DRC11L: variants seen among roughly 807,000 people sequenced by gnomAD.
DRC11L encodes the protein dynein regulatory complex subunit 11 like.
At chr7:151,194,868 C>G in the DRC11L span, among the ~76,000 whole-genome samples, 11 of 152,258 alleles carry the variant, frequency 7.2e-5, no homozygotes, top group South Asian at 2.3e-3. Context: ...CTCTGTGACA[C>G]TCATTAGTCT....
At chr7:151,190,929 C>A in the DRC11L span, 98 of 399,542 alleles carry the variant, frequency 2.5e-4, no homozygotes, top group South Asian at 5.9e-3. Flanking sequence ...TACCCTTGGG[C>A]CACTGCCCTG....
At chr7:151,196,137 G>T in the DRC11L span, among the ~76,000 whole-genome samples, 1 of 152,308 alleles carries the variant, frequency 6.6e-6, no homozygotes, top group East Asian at 1.9e-4. Context: ...AGGATGGTGG[G>T]GGGGTGTGGA....
At chr7:151,198,797 C>T in the DRC11L span, 1 of 399,150 alleles carries the variant, frequency 2.5e-6, no homozygotes, top group African/African-American at 2.1e-5. Flanking sequence ...AGGACACTGA[C>T]TGGCACTCGA....
the DRC11L span, chr7:151,197,416 C>T: frequency 2.5e-6 from 1 of 398,640 alleles, no homozygotes; most frequent in Non-Finnish European, 4.4e-6. Context: ...AGCTGGCGAT[C>T]TCTCAGGCTC....
the DRC11L span, chr7:151,193,355 T>G: frequency 2.5e-6 from 1 of 399,738 alleles, no homozygotes; most frequent in Non-Finnish European, 4.4e-6. Flanking sequence ...CAGCAGGTTT[T>G]CCGGCGACAG....
the DRC11L span, chr7:151,193,536 A>G: frequency 2.5e-6 from 1 of 399,542 alleles, no homozygotes; most frequent in Non-Finnish European, 4.4e-6. Flanking sequence ...GGTCAGCAGC[A>G]GGAATCAGGG....
chr7:151,193,476 G>A, the DRC11L span: 2 of 399,366 alleles, frequency 5.0e-6, no homozygotes, highest in East Asian at 3.6e-5. Flanking sequence ...GCCATGATGT[G>A]GATATCCGGG....
the DRC11L span, chr7:151,195,807 C>G: frequency 2.5e-6 from 1 of 393,640 alleles, no homozygotes. Context: ...AGCCCTGATG[C>G]CTTCCCGAAC....
chr7:151,198,291 T>C, the DRC11L span, among the ~76,000 whole-genome samples: 2 of 150,028 alleles, frequency 1.3e-5, no homozygotes, highest in African/African-American at 4.9e-5. Flanking sequence ...CATGGGTAGA[T>C]AGATGGAGAG....
At chr7:151,196,950 C>G in the DRC11L span, 1 of 399,238 alleles carries the variant, frequency 2.5e-6, no homozygotes, top group African/African-American at 2.1e-5. Flanking sequence ...GGCACAGACA[C>G]TCTTCCCCAG....
chr7:151,192,402 T>A, the DRC11L span: 2 of 398,814 alleles, frequency 5.0e-6, no homozygotes, highest in Non-Finnish European at 8.8e-6. Flanking sequence ...TCTCCGGGAG[T>A]CAGCAGCCGC....
the DRC11L span, among the ~76,000 whole-genome samples, chr7:151,199,544 G>A: frequency 6.6e-6 from 1 of 152,024 alleles, no homozygotes; most frequent in Non-Finnish European, 1.5e-5. This position sits in a 1 kb window ranked among gnomAD's most constrained non-coding sequence, Gnocchi z 5.2. Flanking sequence ...TCGTCTCCTG[G>A]GGGTCCAGCC....
At chr7:151,195,189 T>C in the DRC11L span, among the ~76,000 whole-genome samples, 1 of 152,142 alleles carries the variant, frequency 6.6e-6, no homozygotes, top group Non-Finnish European at 1.5e-5. Context: ...ATAAACTCCA[T>C]TGAGATCTCG....
the DRC11L span, chr7:151,192,809 G>C: frequency 2.5e-6 from 1 of 398,990 alleles, no homozygotes; most frequent in African/African-American, 2.1e-5. Flanking sequence ...AAATCACAGA[G>C]GGCTGTAGGA....
chr7:151,201,872 G>T, the DRC11L span, among the ~76,000 whole-genome samples: 3 of 152,162 alleles, frequency 2.0e-5, no homozygotes, highest in Non-Finnish European at 2.9e-5. This position sits in a 1 kb window ranked among gnomAD's most constrained non-coding sequence, Gnocchi z 4.1. Flanking sequence ...AATTTTCCCG[G>T]GGCTCCTCCA....
chr7:151,192,952 C>T, the DRC11L span: 1 of 398,174 alleles, frequency 2.5e-6, no homozygotes. Flanking sequence ...AGCCCCGTCT[C>T]CACTCCCCAC....
chr7:151,201,232 C>T, the DRC11L span, among the ~76,000 whole-genome samples: 333 of 152,338 alleles, frequency 2.2e-3, 3 homozygotes, highest in African/African-American at 7.7e-3. This position sits in a 1 kb window ranked among gnomAD's most constrained non-coding sequence, Gnocchi z 4.1. Flanking sequence ...ATCTGGGCTT[C>T]GTCCTCCCAC....
chr7:151,201,490 C>G, the DRC11L span, among the ~76,000 whole-genome samples: 1 of 152,230 alleles, frequency 6.6e-6, no homozygotes, highest in Non-Finnish European at 1.5e-5. This position sits in a 1 kb window ranked among gnomAD's most constrained non-coding sequence, Gnocchi z 4.1. Flanking sequence ...CTAAGCCAGA[C>G]ATTGACACAG....
At chr7:151,200,523 C>T in the DRC11L span, 1 of 399,310 alleles carries the variant, frequency 2.5e-6, no homozygotes, top group Non-Finnish European at 4.4e-6. Flanking sequence ...AGCAGCCTGT[C>T]TCTCAGAGAG....
Sources: allele counts gnomAD v4.1 joint callset (sites outside exome capture counted in the v4.1 genomes callset), GRCh38; gene constraint gnomAD v4.1.1; non-coding constraint Gnocchi (gnomAD v3.1); transcripts MANE v1.5; gene names NCBI Gene and HGNC (gene_info 2026-07-23, HGNC 2026-07-21).